DMD: variants seen among roughly 807,000 people sequenced by gnomAD.
DMD encodes dystrophin, also known as mutant dystrophin.
DMD carries 63 observed loss-of-function variants against 330.1 expected under a neutral mutation model. The ratio of observed to expected loss-of-function variants is 0.19; its 90% CI spans 0.16 to 0.24. DMD has a LOEUF of 0.24. Among genes scored for constraint, DMD ranks in the 10% least tolerant of loss-of-function variants. The pLI is 1.00. For synonymous variants in DMD, 1,223 were observed against 959.8 expected (o/e 1.27, Z -5.07); for missense variants, 3,344 against 2,684.1 (o/e 1.25, Z -5.43).
chrX:32,520,475 G>A (rs1381002475), intron 17 of DMD, among the ~76,000 whole-genome samples: 1 of 111,384 alleles, frequency 9.0e-6, no homozygotes, highest in East Asian at 2.8e-4. Flanking sequence ...CCAGTATATT[G>A]GACAGAGAAG....
chrX:31,234,137 A>G (rs2047488819), intron 63 of DMD, among the ~76,000 whole-genome samples: 1 of 111,547 alleles, frequency 9.0e-6, no homozygotes, highest in African/African-American at 3.3e-5. Flanking sequence ...CAGTCATTCA[A>G]ATTACCAGCT....
intron 2 of DMD, among the ~76,000 whole-genome samples, chrX:32,977,838 A>G (rs144260206): frequency 0.016 from 1,739 of 111,628 alleles, 40 homozygotes; most frequent in African/African-American, 0.053. Context: ...TCCACTAAAC[A>G]TAACGATGGG....
intron 4 of DMD, among the ~76,000 whole-genome samples, chrX:32,829,628 C>T (rs1004230791): frequency 9.0e-6 from 1 of 111,464 alleles, no homozygotes; most frequent in Non-Finnish European, 1.9e-5. Context: ...TCTATTTTTA[C>T]AATTTCTTAA....
intron 44 of DMD, among the ~76,000 whole-genome samples, chrX:32,116,069 C>T (rs1001988637): frequency 1.8e-5 from 2 of 111,905 alleles, no homozygotes; most frequent in Non-Finnish European, 3.8e-5. Flanking sequence ...TGCAAGATCC[C>T]GTGTGATCTT....
At chrX:32,907,666 A>T (rs2086837577) in intron 2 of DMD, among the ~76,000 whole-genome samples, 1 of 111,980 alleles carries the variant, frequency 8.9e-6, no homozygotes, top group African/African-American at 3.2e-5. Flanking sequence ...GGGTAACGAG[A>T]TCACTAAGGG....
intron 55 of DMD, among the ~76,000 whole-genome samples, chrX:31,509,428 T>C (rs2071266615): frequency 8.9e-6 from 1 of 112,024 alleles, no homozygotes; most frequent in Non-Finnish European, 1.9e-5. Context: ...ACTTGATTTG[T>C]ACAGTACTTT....
At chrX:31,720,481 G>A (rs866734546) in intron 52 of DMD, among the ~76,000 whole-genome samples, 6 of 111,598 alleles carry the variant, frequency 5.4e-5, no homozygotes, top group Admixed American at 1.9e-4. Flanking sequence ...TAGGTCATAA[G>A]ATAAAAATGC....
At position 31,729,611 on chromosome X, in the gene DMD, A is replaced by G. The variant is rs2086346797; in HGVS notation, c.7660+20T>C. On this transcript the variant is annotated intron_variant, in intron 52 of 78. Coordinates refer to ENST00000357033, the MANE Select transcript of DMD (RefSeq NM_004006.3). ...TCATGCATCTTGCTTTGTGTGTCCC[A>G]TGCTTGTTAAAAAACTTACTTCGAT... 1.7e-6 allele frequency: 2 copies of G among 1,154,535 alleles called. No homozygotes were observed. Among genetic ancestry groups the G allele is most frequent in the Middle Eastern group, 2.4e-4 (1 of 4,247 alleles).
intron 2 of DMD, among the ~76,000 whole-genome samples, chrX:32,891,549 A>G (rs953840882): frequency 3.6e-5 from 4 of 111,976 alleles, no homozygotes; most frequent in Admixed American, 9.5e-5. Context: ...AGACAATCTA[A>G]TAAAGCGATG....
At chrX:31,435,608 T>C (rs1028832108) in intron 60 of DMD, 2 of 112,015 alleles carry the variant, frequency 1.8e-5, no homozygotes, top group African/African-American at 6.5e-5. Context: ...CTTTATGGAG[T>C]TGGCTTTAAC....
chrX:31,224,708 T>C (rs2046411158), intron 63 of DMD, among the ~76,000 whole-genome samples: 1 of 112,313 alleles, frequency 8.9e-6, no homozygotes, highest in African/African-American at 3.2e-5. Context: ...CATAGCAGCT[T>C]TATTCATAAT....
intron 2 of DMD, among the ~76,000 whole-genome samples, chrX:32,876,203 A>G (rs2149171945): frequency 8.9e-6 from 1 of 111,848 alleles, no homozygotes; most frequent in East Asian, 2.8e-4. Flanking sequence ...TTTCAGCCCT[A>G]AGACATAAGT....
chrX:32,046,250 A>T (rs1291177527), intron 44 of DMD, among the ~76,000 whole-genome samples: 1 of 112,635 alleles, frequency 8.9e-6, no homozygotes, highest in Non-Finnish European at 1.9e-5. Context: ...AATATAATGT[A>T]CTGGGTAGAA....
At chrX:32,554,221 A>C (rs929580317) in intron 16 of DMD, among the ~76,000 whole-genome samples, 2 of 112,377 alleles carry the variant, frequency 1.8e-5, no homozygotes, top group Non-Finnish European at 3.8e-5. Flanking sequence ...AAATAAAAAA[A>C]CTAGCAAACC....
intron 7 of DMD, among the ~76,000 whole-genome samples, chrX:32,722,717 A>T (rs981632483): frequency 3.6e-5 from 4 of 111,282 alleles, no homozygotes; most frequent in African/African-American, 1.3e-4. Flanking sequence ...TATCATAAAT[A>T]GAATTTTTTA....
rs140598463 is a variant in DMD, at chrX:32,127,886, A to G, written c.6438+89030T>C. 5.2e-3 allele frequency among the ~76,000 whole-genome samples: 589 copies of G among 112,266 alleles called. 3 individuals carry two copies. The highest frequency in any genetic ancestry group is 0.018 in the African/African-American group (555 of 30,947). ...TTATTTGAACCTTCAATTATATGCTATCATAGTAAGAAGATGATTGGACCA... is the reference window on the plus strand; with the variant it reads ...TTATTTGAACCTTCAATTATATGCTGTCATAGTAAGAAGATGATTGGACCA... On this transcript the variant is annotated intron_variant, in intron 44 of 78. Coordinates refer to ENST00000357033, the MANE Select transcript of DMD (RefSeq NM_004006.3).
Position 33,188,065 on chromosome X carries a change from C to T in DMD, c.31+23217G>A, listed in dbSNP as rs2050346065. 2.7e-5 allele frequency among the ~76,000 whole-genome samples: 3 copies of T among 110,773 alleles called. No homozygotes were observed. The South Asian group carries it at 1.2e-3, about 43-fold the overall frequency. On this transcript the variant is annotated intron_variant, in intron 1 of 78. Coordinates refer to ENST00000357033, the MANE Select transcript of DMD (RefSeq NM_004006.3). ...AGCTGGGTCTTAGTTTTGTATCTAA[C>T]TGTTTCTGAGAACTGGAGTCTCACT...
chrX:31,483,040 CTTTTT>C (rs375059694), intron 57 of DMD, among the ~76,000 whole-genome samples: 1 of 70,738 alleles, frequency 1.4e-5, no homozygotes, highest in Non-Finnish European at 2.7e-5. Context: ...GGAAATGGAT[CTTTTT>C]TTTTTTTTTT....
At chrX:33,039,367 A>G (rs1201731854) in intron 1 of DMD, among the ~76,000 whole-genome samples, 3 of 106,598 alleles carry the variant, frequency 2.8e-5, no homozygotes, top group Non-Finnish European at 5.8e-5. Context: ...ACCCCACCAA[A>G]CAAACAAACA....
Sources: allele counts gnomAD v4.1 joint callset (sites outside exome capture counted in the v4.1 genomes callset), GRCh38; gene constraint gnomAD v4.1.1; transcripts MANE v1.5; gene names NCBI Gene and HGNC (gene_info 2026-07-23, HGNC 2026-07-21).